PTPRM: variants seen among roughly 807,000 people sequenced by gnomAD.
PTPRM encodes receptor-type tyrosine-protein phosphatase mu.
PTPRM carries 47 observed loss-of-function variants against 186.7 expected under a neutral mutation model. The ratio of observed to expected loss-of-function variants is 0.25; its 90% confidence interval spans 0.20 to 0.32. The LOEUF is 0.32. Ranked by LOEUF, PTPRM falls within the 10% of genes least tolerant of loss-of-function variation. The pLI is 1.00. For missense variants in PTPRM, 1,494 were observed against 1,865.0 expected, an observed-to-expected ratio of 0.80 and a Z score of 3.66; for synonymous variants, 668 against 674.9, an observed-to-expected ratio of 0.99 and a Z score of 0.16.
intron 2 of PTPRM, among the ~76,000 whole-genome samples, chr18:7,792,705 C>T (rs965010057): frequency 2.6e-5 from 4 of 152,002 alleles, no homozygotes; most frequent in African/African-American, 4.8e-5. Flanking sequence ...CTCATTCTGT[C>T]GCCAGCTGGA....
chr18:8,003,956 T>G (rs375562876), intron 7 of PTPRM, among the ~76,000 whole-genome samples: 2 of 152,226 alleles, frequency 1.3e-5, no homozygotes, highest in East Asian at 3.8e-4. Flanking sequence ...CAATGGGAGC[T>G]GAGTGCATTC....
At chr18:8,025,616 A>G (rs1772725705) in intron 7 of PTPRM, among the ~76,000 whole-genome samples, 1 of 152,232 alleles carries the variant, frequency 6.6e-6, no homozygotes, top group South Asian at 2.1e-4. Context: ...TGAAGTATTT[A>G]CAGTAGCAGA....
chr18:7,890,515 T>C (rs1029454914), intron 3 of PTPRM, among the ~76,000 whole-genome samples: 1 of 150,442 alleles, frequency 6.6e-6, no homozygotes, highest in Non-Finnish European at 1.5e-5. Flanking sequence ...AGTAAATGTG[T>C]TGTTTTTTTT....
Position 8,379,231 on chromosome 18 carries a change from A to G in PTPRM, c.3677A>G (p.Asn1226Ser), listed in dbSNP as rs1234708819. Residue 1226 changes from asparagine (N) to serine (S), a missense_variant, in exon 28 of 33, where the codon AAC (asparagine) becomes AGC (serine). By Grantham distance (46) the Asn-to-Ser change is conservative. Around this residue, in one of 3 missense-constraint regions of PTPRM, gnomAD observed 1,107 missense variants for 1,350.2 expected, o/e 0.82. Coordinates refer to ENST00000580170, the MANE Select transcript of PTPRM (RefSeq NM_001105244.2). ...EDCSIALLPR[N>S]HEKNRCMDIL... is the part of the protein sequence containing the mutation. ...TGCAGCATCGCACTGTTGCCCCGGAACCATGAGAAAAACCGGTGCATGGAC... is the reference window on the plus strand; with the variant it reads ...TGCAGCATCGCACTGTTGCCCCGGAGCCATGAGAAAAACCGGTGCATGGAC... 6.2e-7 allele frequency: 1 copy of G among 1,614,070 alleles called. No homozygotes were observed. Among genetic ancestry groups the G allele is most frequent in the Non-Finnish European group, 8.5e-7 (1 of 1,179,998 alleles).
intron 7 of PTPRM, among the ~76,000 whole-genome samples, chr18:8,047,499 A>C (rs1178578590): frequency 6.6e-6 from 1 of 152,160 alleles, no homozygotes; most frequent in Non-Finnish European, 1.5e-5. Flanking sequence ...AAAGAACAAA[A>C]ATGTCTTGTT....
intron 1 of PTPRM, among the ~76,000 whole-genome samples, chr18:7,638,952 A>G (rs1303255107): frequency 1.3e-5 from 2 of 152,218 alleles, no homozygotes; most frequent in African/African-American, 4.8e-5. Flanking sequence ...CACAGTGGAA[A>G]AGTTGATCAT....
chr18:7,883,353 G>C (rs906051946), intron 2 of PTPRM, among the ~76,000 whole-genome samples: 4 of 152,142 alleles, frequency 2.6e-5, no homozygotes, highest in African/African-American at 9.7e-5. Flanking sequence ...CAGCCATATA[G>C]GGATAGTTTA....
At chr18:7,580,934 AT>A (rs372655084) in intron 1 of PTPRM, among the ~76,000 whole-genome samples, 159 of 152,342 alleles carry the variant, frequency 1.0e-3, no homozygotes, top group African/African-American at 3.7e-3. Context: ...ATTATGTCAT[AT>A]AAAATCCGTA....
chr18:7,894,862 G>A (rs1008658486), intron 3 of PTPRM, among the ~76,000 whole-genome samples: 2 of 152,010 alleles, frequency 1.3e-5, no homozygotes, highest in Non-Finnish European at 2.9e-5. Context: ...GTAGGCTGCA[G>A]GATATATTCT....
intron 1 of PTPRM, among the ~76,000 whole-genome samples, chr18:7,773,059 T>C (rs988946672): frequency 6.6e-6 from 1 of 152,092 alleles, no homozygotes; most frequent in African/African-American, 2.4e-5. Flanking sequence ...TGAATGCTAT[T>C]GATGCTGAAA....
chr18:8,358,249 G>GCGCACACACACA (rs1555885340), intron 23 of PTPRM, among the ~76,000 whole-genome samples: 1 of 147,550 alleles, frequency 6.8e-6, no homozygotes, highest in South Asian at 2.2e-4. Flanking sequence ...CACATGACAC[G>GCGCACACACACA]CACACACACA....
rs1458637048 is a variant in PTPRM, at chr18:8,211,177, C to CA, written c.2301-32879dup. ...CGAAAGCATCAGAGCAATGGGATACCAACTGGAGGAATAACTGGAGGAGAG... is the reference window on the plus strand; with the variant it reads ...CGAAAGCATCAGAGCAATGGGATACCAAACTGGAGGAATAACTGGAGGAGAG... On this transcript the variant is annotated intron_variant, in intron 14 of 32. Transcript: ENST00000580170. 1.5e-4 allele frequency among the ~76,000 whole-genome samples: 23 copies of CA among 152,008 alleles called. No homozygotes were observed. The East Asian group carries it at 3.7e-3, about 24-fold the overall frequency.
intron 23 of PTPRM, chr18:8,365,828 A>G (rs957499355): frequency 3.3e-5 from 5 of 152,334 alleles, no homozygotes; most frequent in African/African-American, 1.2e-4. Context: ...TCCTGTAGAC[A>G]TCTAGAGTCC....
At chr18:7,886,202 C>A (rs1301778465) in intron 2 of PTPRM, among the ~76,000 whole-genome samples, 1 of 152,160 alleles carries the variant, frequency 6.6e-6, no homozygotes, top group Non-Finnish European at 1.5e-5. Flanking sequence ...GCTTCTATTT[C>A]ACTAAGAGCA....
At chr18:7,692,764 C>T (rs73939343) in intron 1 of PTPRM, among the ~76,000 whole-genome samples, 2,265 of 152,246 alleles carry the variant, frequency 0.015, 54 homozygotes, top group African/African-American at 0.051. Context: ...TGCCATACCT[C>T]GTGTCCACCA....
At chr18:7,783,770 G>GTGTA (rs2098513528) in intron 2 of PTPRM, among the ~76,000 whole-genome samples, 1 of 151,312 alleles carries the variant, frequency 6.6e-6, no homozygotes, top group Admixed American at 6.6e-5. Flanking sequence ...GTGTGTGTGT[G>GTGTA]TGTATGTGTG....
At chr18:7,836,674 C>G (rs775982783) in intron 2 of PTPRM, among the ~76,000 whole-genome samples, 6 of 152,178 alleles carry the variant, frequency 3.9e-5, no homozygotes, top group Non-Finnish European at 7.4e-5. Context: ...TAGGACAGGT[C>G]TGCTGTTGAT....
At chr18:7,614,028 T>C (rs1183793322) in intron 1 of PTPRM, among the ~76,000 whole-genome samples, 3 of 152,170 alleles carry the variant, frequency 2.0e-5, no homozygotes, top group African/African-American at 7.2e-5. Context: ...TTTGACTCAT[T>C]TAACAATGGG....
chr18:7,743,355 A>T (rs766591112), intron 1 of PTPRM, among the ~76,000 whole-genome samples: 5 of 152,204 alleles, frequency 3.3e-5, no homozygotes, highest in Non-Finnish European at 5.9e-5. Flanking sequence ...TAATATTCTT[A>T]TACTTATTCC....
Sources: gnomAD v4.1 joint callset for allele counts (sites outside exome capture counted in the v4.1 genomes callset) on GRCh38, gnomAD v4.1.1 for gene constraint, gnomAD v4.1.1 regional missense constraint, MANE v1.5 for transcripts, NCBI Gene and HGNC (gene_info 2026-07-23, HGNC 2026-07-21) for gene names.